Variants in RABL2B observed in about 807,000 individuals in gnomAD.
RABL2B encodes rab-like protein 2B.
A neutral mutation model predicts 26.7 loss-of-function variants in RABL2B; 17 were observed. The observed-to-expected ratio is 0.64, with a 90% CI of 0.44 to 0.95. The LOEUF (loss-of-function observed/expected upper bound fraction) is 0.95, where lower values mean the gene tolerates loss of function less well. RABL2B is among the 40% of genes least tolerant of loss of function. The pLI is 0.00. For synonymous variants in RABL2B, 70 were observed against 103.9 expected, an observed-to-expected ratio of 0.67 and a Z score of 1.99; for missense variants, 170 against 277.2, an observed-to-expected ratio of 0.61 and a Z score of 2.75.
intron 2 of RABL2B, among the ~76,000 whole-genome samples, chr22:50,778,995 T>C (rs1396035451): frequency 2.7e-5 from 4 of 150,810 alleles, no homozygotes; most frequent in Non-Finnish European, 5.9e-5. Context: ...CGTAGAAAAT[T>C]ACACAAAGAA....
rs1293156393 is a variant in RABL2B at position 50,783,549 on chromosome 22, C to A, written c.-102G>T. 5 of 152,188 alleles carry A rather than the reference C, an allele frequency of 3.3e-5. No individual in the cohort carries two copies. Among genetic ancestry groups the A allele is most frequent in the South Asian group, 4.1e-4 (2 of 4,832 alleles). 9.4% of individuals were successfully genotyped at this position (152,188 alleles called of 1,614,324 possible). On this transcript the variant is annotated 5_prime_UTR_variant, in exon 1 of 9. Transcript: ENST00000691320. Reference sequence around the variant, plus strand: ...AGAGACCAGGGACGCTGCGGGTCGGCCCCTCGGGCCCTGCCGCCAGTCTGG... The same window carrying A: ...AGAGACCAGGGACGCTGCGGGTCGGACCCTCGGGCCCTGCCGCCAGTCTGG...
chr22:50,781,775 T>C lies in RABL2B; in HGVS notation c.107+413A>G, dbSNP rs557728709. ...CAGTCTTCACAATGATTATAGTCAA[T>C]CGTCAGTTCTACCCAGTTTTCTCTA... On this transcript the variant is annotated intron_variant, in intron 2 of 8. Transcript: ENST00000691320. 3.3e-5 allele frequency among the ~76,000 whole-genome samples: 5 copies of C among 151,736 alleles called. No homozygotes were observed. The South Asian group carries it at 1.0e-3, about 32-fold the overall frequency.
chr22:50,776,736 G>A lies in RABL2B; in HGVS notation c.151C>T (p.Leu51=), dbSNP rs368268036. Residue 51 remains leucine (L), a synonymous_variant, in exon 4 of 9, where the codon CTG becomes TTG. Transcript: ENST00000691320. The part of the protein sequence containing the change: ...FLMDGFQPQQ[L]STYALTLYKH... ...TACAGGGTCAGGGCGTACGTGGACA[G>A]CTGCTGTGGCTGACTGCACTCAGGT... 10 of 1,609,738 alleles carry A rather than the reference G, an allele frequency of 6.2e-6. No homozygotes were observed. The African/African-American group carries it at 1.2e-4, about 19-fold the overall frequency.
intron 5 of RABL2B, among the ~76,000 whole-genome samples, chr22:50,775,340 A>C (rs1161966133): frequency 2.6e-5 from 4 of 151,944 alleles, no homozygotes; most frequent in South Asian, 2.1e-4. Context: ...GGGGGAGGCG[A>C]GGGGCTGGCC....
chr22:50,768,788 A>G lies in RABL2B; in HGVS notation c.678T>C (p.Ser226=), dbSNP rs1445224395. The G allele has an allele frequency of 7.4e-6, 12 of 1,613,688 alleles. No individual in the cohort carries two copies. The highest frequency in any genetic ancestry group is 5.0e-5 in the Admixed American group (3 of 59,980). ...SIETPSEEAA[S]PHS ...TAGCCCCAGCCCCTCAGCTGTGGGG[A>G]GAGGCCGCCTCCTCTGATGGGGTCT... The change falls in exon 9 of 9, where the codon TCT becomes TCC. Residue 226 remains serine, a synonymous_variant. Transcript: ENST00000691320.
intron 2 of RABL2B, among the ~76,000 whole-genome samples, chr22:50,781,251 G>C (rs1219277467): frequency 2.6e-5 from 4 of 151,778 alleles, no homozygotes; most frequent in East Asian, 1.9e-4. Flanking sequence ...GGCTGTGGCA[G>C]GAGAATGGCG....
At chr22:50,778,456 G>A (rs367623039) in intron 2 of RABL2B, among the ~76,000 whole-genome samples, 3 of 151,682 alleles carry the variant, frequency 2.0e-5, no homozygotes, top group Non-Finnish European at 2.9e-5. Flanking sequence ...GGCGACACAC[G>A]CCTGTGATCC....
chr22:50,774,587 T>C (rs1239902640), intron 5 of RABL2B, among the ~76,000 whole-genome samples: 4 of 149,192 alleles, frequency 2.7e-5, no homozygotes, highest in Non-Finnish European at 4.5e-5. Context: ...ACTTCAGACA[T>C]GGATTCCCGA....
chr22:50,775,163 A>G (rs1271497135), intron 5 of RABL2B, among the ~76,000 whole-genome samples: 4 of 152,150 alleles, frequency 2.6e-5, no homozygotes, highest in African/African-American at 7.2e-5. Flanking sequence ...CCAGCCAGGG[A>G]ATTCACGGGT....
chr22:50,768,085 T>A lies in RABL2B; in HGVS notation c.*691A>T, dbSNP rs1176720512. 8 of 204,908 alleles carry A rather than the reference T, an allele frequency of 3.9e-5. No homozygotes were observed. The highest frequency in any genetic ancestry group is 1.9e-4 in the African/African-American group (8 of 41,402). The allele number at this position is 204,908 out of a possible 1,614,324, so 12.7% of individuals were successfully genotyped here. On this transcript the variant is annotated 3_prime_UTR_variant, in exon 9 of 9. Coordinates refer to ENST00000691320, the MANE Select transcript of RABL2B (RefSeq NM_001130919.3). Reference sequence around the variant, plus strand: ...CTGGGCAACATGGTGAAACCCCGTCTCTACTAAAAATACAAAAATTAGCTG... The same window carrying A: ...CTGGGCAACATGGTGAAACCCCGTCACTACTAAAAATACAAAAATTAGCTG...
In RABL2B at chr22:50,768,194, T is replaced by C; in HGVS notation, c.*582A>G. 5.0e-6 allele frequency: 1 copy of C among 198,972 alleles called. No individual in the cohort carries two copies. Among genetic ancestry groups the C allele is most frequent in the Non-Finnish European group, 1.0e-5 (1 of 95,876 alleles). The allele number at this position is 198,972 out of a possible 1,614,324, so 12.3% of individuals were successfully genotyped here. A position where few individuals can be genotyped will look rare whatever the true frequency, so the allele number is the denominator to read the frequency against. On this transcript the variant is annotated 3_prime_UTR_variant, in exon 9 of 9. Transcript: ENST00000691320. ...GTCAGAGGTTGCAGCGAGCCGAGAC[T>C]GCGCCACTGCACTCCAGCCTGGCGA...
At chr22:50,776,220 T>G (rs1697856022) in intron 4 of RABL2B, among the ~76,000 whole-genome samples, 1 of 152,012 alleles carries the variant, frequency 6.6e-6, no homozygotes, top group Non-Finnish European at 1.5e-5. Context: ...GTAGACAGAG[T>G]CAGGCAGGCT....
At chr22:50,782,044 C>T (rs529517232) in intron 2 of RABL2B, 144 bp downstream of exon 2, 16 of 1,535,274 alleles carry the variant, frequency 1.0e-5, no homozygotes, top group East Asian at 4.6e-5. Flanking sequence ...TGATTCCCCT[C>T]GTTCCCCCAT....
chr22:50,782,059 A>C, intron 2 of RABL2B, 129 bp downstream of exon 2: 1 of 1,506,770 alleles, frequency 6.6e-7, no homozygotes, highest in Non-Finnish European at 9.0e-7. Context: ...CCCCATGAAC[A>C]TCTGGGCTCC....
In RABL2B at chr22:50,767,783, G is replaced by A. The variant is rs2083612831; in HGVS notation, c.*993C>T. On this transcript the variant is annotated 3_prime_UTR_variant, in exon 9 of 9. Transcript: ENST00000691320. Reference sequence around the variant, plus strand: ...AGCTCTTCTTGTAGTCCAAATGGACGTACCTTGTGGTATGGCTGTAAGGAC... The same window carrying A: ...AGCTCTTCTTGTAGTCCAAATGGACATACCTTGTGGTATGGCTGTAAGGAC... 3 of 452,996 alleles carry A rather than the reference G, an allele frequency of 6.6e-6. No homozygotes were observed. Among genetic ancestry groups the A allele is most frequent in the South Asian group, 3.1e-5 (2 of 64,024 alleles). 28.1% of individuals were successfully genotyped at this position (452,996 alleles called of 1,614,324 possible). A position where few individuals can be genotyped will look rare whatever the true frequency, so the allele number is the denominator to read the frequency against.
At chr22:50,782,010 A>C (rs1603451708) in intron 2 of RABL2B, among the ~76,000 whole-genome samples, 178 bp downstream of exon 2, 2 of 150,450 alleles carry the variant, frequency 1.3e-5, no homozygotes, top group Admixed American at 6.6e-5. Flanking sequence ...TGCCCCCTCC[A>C]CCTGACACAC....
intron 3 of RABL2B, 101 bp from the exon 4 acceptor site, chr22:50,776,850 T>A: frequency 2.0e-6 from 3 of 1,473,084 alleles, no homozygotes; most frequent in Non-Finnish European, 2.8e-6. Flanking sequence ...TCCCTCCTCT[T>A]CTCTTTGGAG....
intron 5 of RABL2B, 66 bp from the exon 6 acceptor site, chr22:50,770,082 G>A: frequency 1.2e-6 from 2 of 1,601,306 alleles, no homozygotes; most frequent in Non-Finnish European, 1.7e-6. Flanking sequence ...ATCTCCAGGT[G>A]ACTCACACAC....
rs1208426146 is a variant in RABL2B, at chr22:50,783,613, C to A, written c.-166G>T. The A allele has an allele frequency of 1.3e-5, 2 of 152,962 alleles. No homozygotes were observed. Among genetic ancestry groups the A allele is most frequent in the Admixed American group, 1.3e-4 (2 of 15,292 alleles). 9.5% of individuals were successfully genotyped at this position (152,962 alleles called of 1,614,324 possible). On this transcript the variant is annotated 5_prime_UTR_variant, in exon 1 of 9. Coordinates refer to ENST00000691320, the MANE Select transcript of RABL2B (RefSeq NM_001130919.3). The stretch of plus-strand genomic sequence containing the variant: ...TCGAACCACGCCCGCCGGCCCAGCT[C>A]GCGCCGCAGCGCACTCCACTTCCGG...
Sources: allele counts gnomAD v4.1 joint callset (sites outside exome capture counted in the v4.1 genomes callset), GRCh38; gene constraint gnomAD v4.1.1; transcripts MANE v1.5; gene names NCBI Gene and HGNC (gene_info 2026-07-23, HGNC 2026-07-21).